The following CRLF3 variants were observed in gnomAD, a reference collection of about 807,000 sequenced individuals.
CRLF3 encodes cytokine receptor-like factor 3.
Under a neutral mutation model 55.0 loss-of-function variants are expected in CRLF3, and 33 were observed. That is an observed-to-expected ratio of 0.60 (90% CI 0.46 to 0.80). The LOEUF is 0.80. CRLF3 is among the 30% of genes least tolerant of loss of function. The probability of loss-of-function intolerance (pLI) is 0.00; values close to 1 mark genes in which losing one functional copy is unlikely to be tolerated. For missense variants in CRLF3, 494 were observed against 538.4 expected (o/e 0.92, Z 0.82); for synonymous variants, 238 against 196.8 (o/e 1.21, Z -1.75).
Position 30,796,180 on chromosome 17 carries a change from T to C in CRLF3, c.583A>G (p.Ile195Val), listed in dbSNP as rs1971914714. 6.2e-7 allele frequency: 1 copy of C among 1,612,640 alleles called. No individual in the cohort carries two copies. Among genetic ancestry groups the C allele is most frequent in the Admixed American group, 1.7e-5 (1 of 59,918 alleles). ...CATACCTTACACCATCGTACAATGA[T>C]GCCTCCAGGTTTCTCTATTAGTTCT... ...IEELIEKPGG[I>V]IVRWCKVDDD... Residue 195 changes from isoleucine to valine, a missense_variant, in exon 4 of 8, where the codon ATC (isoleucine) becomes GTC (valine). Coordinates refer to ENST00000324238, the MANE Select transcript of CRLF3 (RefSeq NM_015986.4).
Position 30,784,015 on chromosome 17 carries a change from C to T in CRLF3, c.*172G>A. On this transcript the variant is annotated 3_prime_UTR_variant, in exon 8 of 8. Transcript: ENST00000324238. ...AATTGACTGAATTGTATGATTTTGT[C>T]CACAACATTGAAGTCTCTTTTTGCT... 3.5e-6 allele frequency: 2 copies of T among 574,722 alleles called. No homozygotes were observed. The highest frequency in any genetic ancestry group is 6.1e-6 in the Non-Finnish European group (2 of 328,100). 35.6% of individuals were successfully genotyped at this position (574,722 alleles called of 1,614,324 possible).
At chr17:30,802,851 T>C (rs935682908) in intron 2 of CRLF3, among the ~76,000 whole-genome samples, 1 of 152,086 alleles carries the variant, frequency 6.6e-6, no homozygotes, top group African/African-American at 2.4e-5. Flanking sequence ...CCAATCACAT[T>C]TTTTTAAACT....
At chr17:30,806,854 T>C (rs950273364) in intron 1 of CRLF3, among the ~76,000 whole-genome samples, 1 of 152,156 alleles carries the variant, frequency 6.6e-6, no homozygotes, top group Admixed American at 6.5e-5. Context: ...CCCAAGCTGG[T>C]CTTGAACCAG....
chr17:30,816,441 A>ACAT (rs1971938591), intron 1 of CRLF3, among the ~76,000 whole-genome samples: 1 of 151,920 alleles, frequency 6.6e-6, no homozygotes, highest in African/African-American at 2.4e-5. Context: ...TAGTCCCATA[A>ACAT]CATTATATTA....
At chr17:30,818,171 A>C (rs1170753047) in intron 1 of CRLF3, among the ~76,000 whole-genome samples, 1 of 151,776 alleles carries the variant, frequency 6.6e-6, no homozygotes, top group Admixed American at 6.6e-5. Flanking sequence ...GAGGCAAGAG[A>C]ATTGCTTGAA....
chr17:30,809,288 A>C (rs1904535489), intron 1 of CRLF3, among the ~76,000 whole-genome samples: 1 of 152,154 alleles, frequency 6.6e-6, no homozygotes. Flanking sequence ...TGCTCATAGA[A>C]TCCCAACCAC....
Position 30,812,843 on chromosome 17 carries a change from A to G in CRLF3, c.130-8735T>C, listed in dbSNP as rs114370580. Among the ~76,000 whole-genome samples the G allele has an allele frequency of 8.7e-3, 1,324 of 152,316 alleles. 20 individuals are homozygous for G. Among genetic ancestry groups the G allele is most frequent in the African/African-American group, 0.03 (1,246 of 41,570 alleles). ...TATGTCTATCTTTCTGGAGAGGACA[A>G]GGGGAAAGAGACAGGAAGGTGAAAA... On this transcript the variant is annotated intron_variant, in intron 1 of 7. Coordinates refer to ENST00000324238, the MANE Select transcript of CRLF3 (RefSeq NM_015986.4).
intron 6 of CRLF3, chr17:30,786,774 C>A: frequency 6.5e-6 from 1 of 152,854 alleles, no homozygotes; most frequent in African/African-American, 2.4e-5. Context: ...GATCTCAGCT[C>A]ACTGCAACCT....
At position 30,784,077 on chromosome 17, in the gene CRLF3, A is replaced by G; in HGVS notation, c.*110T>C. On this transcript the variant is annotated 3_prime_UTR_variant, in exon 8 of 8. Coordinates refer to ENST00000324238, the MANE Select transcript of CRLF3 (RefSeq NM_015986.4). ...AAATGAATCCAGTAAACACTTTCCA[A>G]TGGCCTAAGTTAGAGATGAATTCAA... 1.1e-6 allele frequency: 1 copy of G among 942,488 alleles called. No homozygotes were observed. The highest frequency in any genetic ancestry group is 1.6e-6 in the Non-Finnish European group (1 of 628,850). The allele number at this position is 942,488 out of a possible 1,614,324, so 58.4% of individuals were successfully genotyped here. A position where few individuals can be genotyped will look rare whatever the true frequency, so the allele number is the denominator to read the frequency against.
chr17:30,786,221 C>T lies in CRLF3; in HGVS notation c.960-190G>A, dbSNP rs556697460. ...ATTTTATATCTATCTATCATTCTTA[C>T]AACAATCTATGAGGTAGGTGCTTTT... On this transcript the variant is annotated intron_variant, in intron 6 of 7. Transcript: ENST00000324238. The T allele has an allele frequency of 4.0e-5, 19 of 474,766 alleles. No individual in the cohort carries two copies. The Admixed American group carries it at 6.9e-4, about 17-fold the overall frequency. The allele number at this position is 474,766 out of a possible 1,614,324, so 29.4% of individuals were successfully genotyped here.
chr17:30,784,818 G>C (rs1291151195), intron 7 of CRLF3: 1 of 200,002 alleles, frequency 5.0e-6, no homozygotes. Context: ...GAGTGCAGTG[G>C]CATGATCTGG....
At chr17:30,793,901 T>G (rs1331261444) in intron 4 of CRLF3, among the ~76,000 whole-genome samples, 2 of 152,024 alleles carry the variant, frequency 1.3e-5, no homozygotes, top group African/African-American at 4.8e-5. Context: ...TGCAGTGGCG[T>G]GATCTCGGCT....
intron 2 of CRLF3, among the ~76,000 whole-genome samples, chr17:30,803,160 T>C (rs1482764580): frequency 6.8e-6 from 1 of 146,440 alleles, no homozygotes; most frequent in Non-Finnish European, 1.5e-5. Context: ...GCAAAACCCC[T>C]GTGTCAAAAA....
At chr17:30,823,700 T>C (rs1905059826) in intron 1 of CRLF3, among the ~76,000 whole-genome samples, 2 of 152,092 alleles carry the variant, frequency 1.3e-5, no homozygotes, top group Admixed American at 6.6e-5. Context: ...TTCGAGGGTA[T>C]AGAGAAACCA....
intron 7 of CRLF3, chr17:30,784,651 A>C (rs913527629): frequency 2.2e-5 from 10 of 462,504 alleles, no homozygotes; most frequent in Admixed American, 1.5e-4. Context: ...TCATCAAAAG[A>C]AACTTGACAG....
At chr17:30,814,704 T>C (rs1005350816) in intron 1 of CRLF3, among the ~76,000 whole-genome samples, 7 of 149,228 alleles carry the variant, frequency 4.7e-5, no homozygotes, top group African/African-American at 9.9e-5. Context: ...CATTACAATC[T>C]ACACTAAAAC....
rs754084666 is a variant in CRLF3 at position 30,784,211 on chromosome 17, A to G, written c.1305T>C (p.Pro435=). The change falls in exon 8 of 8, where the codon CCT becomes CCC. Residue 435 remains proline (P), a synonymous_variant. Coordinates refer to ENST00000324238, the MANE Select transcript of CRLF3 (RefSeq NM_015986.4). ...SLYFGCSFFY[P]GWKVLVF ...TCTAAAACACTAACACTTTCCATCC[A>G]GGATAGAAAAATGAGCATCCAAAGT... 6 of 1,613,828 alleles carry G rather than the reference A, an allele frequency of 3.7e-6. No individual in the cohort carries two copies. In the East Asian group the frequency reaches 8.9e-5, roughly 24 times the overall value.
intron 4 of CRLF3, among the ~76,000 whole-genome samples, chr17:30,795,049 AAC>A (rs1285183214): frequency 1.3e-5 from 2 of 152,212 alleles, no homozygotes; most frequent in African/African-American, 4.8e-5. Context: ...TCCATAAAGA[AAC>A]ACAAGTAAAA....
At chr17:30,795,496 C>CAA (rs540173272) in intron 4 of CRLF3, among the ~76,000 whole-genome samples, 33 of 100,518 alleles carry the variant, frequency 3.3e-4, no homozygotes, top group South Asian at 6.9e-4. Context: ...AACTCTGTCT[C>CAA]AAAAAAAAAA....
Sources: gnomAD v4.1 joint callset for allele counts (sites outside exome capture counted in the v4.1 genomes callset) on GRCh38, gnomAD v4.1.1 for gene constraint, MANE v1.5 for transcripts, NCBI Gene and HGNC (gene_info 2026-07-23, HGNC 2026-07-21) for gene names.